The following KSR2 variants were observed in gnomAD, a reference collection of about 807,000 sequenced individuals.
KSR2 encodes the protein kinase suppressor of ras 2.
Under a neutral mutation model 107.8 loss-of-function variants are expected in KSR2, and 25 were observed. The ratio of observed to expected loss-of-function variants is 0.23; its 90% CI spans 0.17 to 0.32. The LOEUF (loss-of-function observed/expected upper bound fraction) is 0.32, where lower values mean the gene tolerates loss of function less well. Ranked by LOEUF, KSR2 falls within the 10% of genes least tolerant of loss-of-function variation. The pLI is 1.00. For missense variants in KSR2, 887 were observed against 1,268.9 expected (o/e 0.70, Z 4.57); for synonymous variants, 480 against 507.0 (o/e 0.95, Z 0.71).
intron 4 of KSR2, among the ~76,000 whole-genome samples, chr12:117,760,325 T>C (rs1888955150): frequency 3.3e-5 from 5 of 152,330 alleles, no homozygotes; most frequent in Non-Finnish European, 7.3e-5. Flanking sequence ...CCCCAACGTG[T>C]CCTGCTTCCT....
chr12:117,525,533 C>T (rs761281344), intron 13 of KSR2, among the ~76,000 whole-genome samples: 4 of 152,150 alleles, frequency 2.6e-5, no homozygotes, highest in East Asian at 3.9e-4. Flanking sequence ...GTTTTAGCAC[C>T]GAAAGTCCCA....
At chr12:117,566,427 C>A (rs1878500385) in intron 7 of KSR2, among the ~76,000 whole-genome samples, 1 of 152,186 alleles carries the variant, frequency 6.6e-6, no homozygotes, top group Non-Finnish European at 1.5e-5. Context: ...GCCTGCCCCC[C>A]TCTTTCTGTC....
rs1219097103 is a variant in KSR2, at chr12:117,860,300, C to G, written c.312G>C (p.Glu104Asp). The G allele has an allele frequency of 6.2e-7, 1 of 1,610,748 alleles. No homozygotes were observed. The highest frequency in any genetic ancestry group is 1.7e-5 in the Admixed American group (1 of 59,978). ...HWFRIVDVRK[E>D]VLEEISPGQL... ...GGGCCCCCCAGGTCACCTCCAGGAC[C>G]TCCTTGCGCACATCGACGATTCGGA... The change falls in exon 2 of 20, where the codon GAG becomes GAC. Residue 104 changes from glutamate to aspartate, a missense_variant. By Grantham distance (45) the Glu-to-Asp change is conservative. Transcript: ENST00000339824.
At chr12:117,888,348 C>T (rs1353880410) in intron 1 of KSR2, among the ~76,000 whole-genome samples, 1 of 152,106 alleles carries the variant, frequency 6.6e-6, no homozygotes, top group Non-Finnish European at 1.5e-5. Context: ...AGGACAAATA[C>T]TCTATGACTC....
At chr12:117,906,714 GT>G (rs1394725193) in intron 1 of KSR2, among the ~76,000 whole-genome samples, 1 of 152,028 alleles carries the variant, frequency 6.6e-6, no homozygotes, top group African/African-American at 2.4e-5. Flanking sequence ...AGTTCTCAGT[GT>G]TCAGTGAGCA....
chr12:117,539,396 C>T (rs1237546001), intron 10 of KSR2: 4 of 298,042 alleles, frequency 1.3e-5, no homozygotes, highest in South Asian at 1.1e-4. Context: ...TAGACTTAGG[C>T]GAAGACCCTG....
intron 3 of KSR2, among the ~76,000 whole-genome samples, chr12:117,841,838 G>T (rs1179254006): frequency 6.6e-6 from 1 of 152,222 alleles, no homozygotes; most frequent in Non-Finnish European, 1.5e-5. Context: ...CAGAAAATAG[G>T]AATAATAATC....
intron 3 of KSR2, among the ~76,000 whole-genome samples, chr12:117,850,605 C>T (rs1160762407): frequency 2.0e-5 from 3 of 152,022 alleles, no homozygotes; most frequent in Non-Finnish European, 2.9e-5. Flanking sequence ...CTCAGGAGTT[C>T]GAGACCAGCT....
At chr12:117,674,488 C>G in intron 4 of KSR2, 2 of 447,354 alleles carry the variant, frequency 4.5e-6, no homozygotes, top group Non-Finnish European at 9.0e-6. Flanking sequence ...AAGGAAATCC[C>G]TTACGCATTA....
At chr12:117,505,028 GA>G (rs1873593149) in intron 14 of KSR2, among the ~76,000 whole-genome samples, 1 of 152,148 alleles carries the variant, frequency 6.6e-6, no homozygotes, top group Admixed American at 6.6e-5. Flanking sequence ...TTCCATTCCT[GA>G]GTTACTTAAT....
intron 1 of KSR2, among the ~76,000 whole-genome samples, chr12:117,931,466 C>T (rs1363255090): frequency 6.6e-6 from 1 of 152,150 alleles, no homozygotes; most frequent in African/African-American, 2.4e-5. Flanking sequence ...CTAAAGAGGT[C>T]GTGCCCGCCT....
intron 5 of KSR2, among the ~76,000 whole-genome samples, chr12:117,617,222 C>G (rs576633470): frequency 6.6e-6 from 1 of 152,304 alleles, no homozygotes; most frequent in Non-Finnish European, 1.5e-5. Flanking sequence ...GAGTTGCACA[C>G]ATTCTTTTCA....
chr12:117,933,929 G>C (rs1895767063), intron 1 of KSR2, among the ~76,000 whole-genome samples: 1 of 152,142 alleles, frequency 6.6e-6, no homozygotes, highest in Non-Finnish European at 1.5e-5. Flanking sequence ...CTCTTAAATG[G>C]GAGGGCAGAT....
At chr12:117,739,342 A>G (rs1700364) in intron 4 of KSR2, among the ~76,000 whole-genome samples, 121,336 of 152,064 alleles carry the variant, frequency 0.8, 49,321 homozygotes, top group East Asian at 0.95. Flanking sequence ...GCGACAGAGC[A>G]AGACTCCGCC....
intron 5 of KSR2, among the ~76,000 whole-genome samples, chr12:117,628,029 C>T (rs1045564078): frequency 3.3e-5 from 5 of 152,184 alleles, no homozygotes; most frequent in Non-Finnish European, 7.4e-5. Context: ...ACGAAGTTCT[C>T]GTGCCATGGT....
chr12:117,516,872 C>T (rs1030613752), intron 14 of KSR2, among the ~76,000 whole-genome samples: 1 of 152,196 alleles, frequency 6.6e-6, no homozygotes, highest in Non-Finnish European at 1.5e-5. Context: ...GAGCTCCTGG[C>T]TGTTCATAAA....
intron 1 of KSR2, among the ~76,000 whole-genome samples, chr12:117,931,610 C>A (rs1460641794): frequency 6.6e-6 from 1 of 152,216 alleles, no homozygotes; most frequent in Non-Finnish European, 1.5e-5. Flanking sequence ...GAGCTGAAAG[C>A]TGCTCATACG....
intron 4 of KSR2, among the ~76,000 whole-genome samples, chr12:117,670,714 C>T (rs1884871250): frequency 6.6e-6 from 1 of 152,128 alleles, no homozygotes; most frequent in Non-Finnish European, 1.5e-5. Flanking sequence ...GTGTCTAGCA[C>T]TGATCCCTTT....
chr12:117,706,754 T>C (rs1886545367), intron 4 of KSR2, among the ~76,000 whole-genome samples: 2 of 141,230 alleles, frequency 1.4e-5, no homozygotes, highest in African/African-American at 5.5e-5. Flanking sequence ...ATATAAATTA[T>C]ACCTTAATAA....
Sources: allele counts gnomAD v4.1 joint callset (sites outside exome capture counted in the v4.1 genomes callset), GRCh38; gene constraint gnomAD v4.1.1; transcripts MANE v1.5; gene names NCBI Gene and HGNC (gene_info 2026-07-23, HGNC 2026-07-21).